Variants in LIFR observed in about 807,000 individuals in gnomAD.
LIFR encodes the protein leukemia inhibitory factor receptor.
A neutral mutation model predicts 122.2 loss-of-function variants in LIFR; 84 were observed. That is an observed-to-expected ratio of 0.69 (90% CI 0.58 to 0.82). The LOEUF is 0.82. Ranked by LOEUF, LIFR falls within the 40% of genes least tolerant of loss-of-function variation. The pLI is 0.00. For synonymous variants in LIFR, 422 were observed against 434.7 expected, an observed-to-expected ratio of 0.97 and a Z score of 0.36; for missense variants, 1,294 against 1,311.6, an observed-to-expected ratio of 0.99 and a Z score of 0.21.
rs1396819708 is a variant in LIFR, at chr5:38,482,641, A to C, written c.2618T>G (p.Ile873Ser). The change falls in exon 19 of 20, where the codon ATT becomes AGT. Residue 873 changes from isoleucine to serine, a missense_variant. Ile to Ser is a moderately radical substitution (Grantham distance 142, BLOSUM62 -2). Coordinates refer to ENST00000453190, the MANE Select transcript of LIFR (RefSeq NM_001127671.2). ...EWIKETFYPD[I>S]PNPENCKALQ... ...TGCTTTACAGTTTTCTGGATTTGGAATATCAGGGTAGAAGGTTTCTTTAAT... is the reference window on the plus strand; with the variant it reads ...TGCTTTACAGTTTTCTGGATTTGGACTATCAGGGTAGAAGGTTTCTTTAAT... 1 of 1,483,366 alleles carries C rather than the reference A, an allele frequency of 6.7e-7. No homozygotes were observed. Among genetic ancestry groups the C allele is most frequent in the Non-Finnish European group, 9.2e-7 (1 of 1,088,430 alleles). The allele number at this position is 1,483,366 out of a possible 1,614,324, so 91.9% of individuals were successfully genotyped here. A position where few individuals can be genotyped will look rare whatever the true frequency, so the allele number is the denominator to read the frequency against.
At chr5:38,517,334 C>T (rs1746136939) in intron 5 of LIFR, among the ~76,000 whole-genome samples, 1 of 152,078 alleles carries the variant, frequency 6.6e-6, no homozygotes, top group Non-Finnish European at 1.5e-5. Flanking sequence ...GCAAATATTG[C>T]CACTTTACAA....
intron 1 of LIFR, among the ~76,000 whole-genome samples, chr5:38,544,883 G>A (rs1413664349): frequency 1.3e-5 from 2 of 152,178 alleles, no homozygotes; most frequent in Non-Finnish European, 2.9e-5. Flanking sequence ...AAAGTGTGCA[G>A]TAAATATTTG....
At chr5:38,494,408 C>T (rs916703571) in intron 13 of LIFR, among the ~76,000 whole-genome samples, 8 of 151,888 alleles carry the variant, frequency 5.3e-5, no homozygotes, top group Admixed American at 1.3e-4. Context: ...AGTGTGGACA[C>T]TGAGAAGGAG....
chr5:38,560,984 A>G (rs774867295), upstream of LIFR, among the ~76,000 whole-genome samples: 1 of 152,212 alleles, frequency 6.6e-6, no homozygotes, highest in Non-Finnish European at 1.5e-5. Flanking sequence ...TTTAAAAAAG[A>G]AAAGTTGAAA....
At chr5:38,542,853 C>G (rs1561193405) in intron 1 of LIFR, among the ~76,000 whole-genome samples, 1 of 152,150 alleles carries the variant, frequency 6.6e-6, no homozygotes, top group Non-Finnish European at 1.5e-5. Flanking sequence ...TGTTCCAAAT[C>G]CAACCTTCCC....
chr5:38,588,114 A>T (rs904036875), intron 1 of LIFR, among the ~76,000 whole-genome samples: 2 of 152,260 alleles, frequency 1.3e-5, no homozygotes, highest in Admixed American at 6.5e-5. Flanking sequence ...CCATTCTCTC[A>T]TTAGCAAAAT....
chr5:38,550,564 A>T (rs1195640277), intron 1 of LIFR, among the ~76,000 whole-genome samples: 1 of 152,238 alleles, frequency 6.6e-6, no homozygotes, highest in Non-Finnish European at 1.5e-5. Context: ...AAAACTGTAT[A>T]TTCTTTCAGA....
At chr5:38,547,177 A>G (rs1561197410) in intron 1 of LIFR, among the ~76,000 whole-genome samples, 1 of 152,204 alleles carries the variant, frequency 6.6e-6, no homozygotes, top group Non-Finnish European at 1.5e-5. Context: ...ATCTATATGT[A>G]CAATTTGTCA....
chr5:38,605,081 A>G (rs1214976976), intron 2 of LIFR, among the ~76,000 whole-genome samples: 1 of 152,066 alleles, frequency 6.6e-6, no homozygotes, highest in East Asian at 1.9e-4. Context: ...GGCCTCCGAG[A>G]GAATAGACTA....
chr5:38,497,102 C>T lies in LIFR; in HGVS notation c.1672-507G>A, dbSNP rs112913044. 2.0e-3 allele frequency among the ~76,000 whole-genome samples: 307 copies of T among 152,298 alleles called. 1 individual carries two copies. Among genetic ancestry groups the T allele is most frequent in the African/African-American group, 7.0e-3 (289 of 41,566 alleles). On this transcript the variant is annotated intron_variant, in intron 12 of 19. Transcript: ENST00000453190. The stretch of plus-strand genomic sequence containing the variant: ...CATGAGGTCAGCAGTTCGAGACCAG[C>T]CTGCCAAACATGACAAACATGAAAC...
chr5:38,497,500 C>A (rs1353022731), intron 12 of LIFR, among the ~76,000 whole-genome samples: 2 of 152,224 alleles, frequency 1.3e-5, no homozygotes, highest in Admixed American at 1.3e-4. Flanking sequence ...AGAAGCACTG[C>A]TCTACTTAGC....
upstream of LIFR, chr5:38,558,340 AC>A (rs1422795590): frequency 6.6e-6 from 1 of 152,180 alleles, no homozygotes; most frequent in Non-Finnish European, 1.5e-5. Flanking sequence ...TAAGAATATT[AC>A]ATAAAATGCT....
chr5:38,580,925 T>C (rs1468086750), intron 1 of LIFR, among the ~76,000 whole-genome samples: 1 of 151,970 alleles, frequency 6.6e-6, no homozygotes, highest in East Asian at 1.9e-4. Flanking sequence ...CTTCTGAGAG[T>C]GGGATATGGA....
chr5:38,542,136 T>C (rs1473896043), intron 1 of LIFR, among the ~76,000 whole-genome samples: 1 of 152,176 alleles, frequency 6.6e-6, no homozygotes, highest in Non-Finnish European at 1.5e-5. Flanking sequence ...GCCCAAGTCA[T>C]CATAAATTCT....
chr5:38,487,344 G>C (rs1439760027), intron 16 of LIFR, among the ~76,000 whole-genome samples: 1 of 152,194 alleles, frequency 6.6e-6, no homozygotes, highest in Non-Finnish European at 1.5e-5. Context: ...TCGAATTTTA[G>C]GTTGAAAATA....
At chr5:38,504,282 T>A (rs894202506) in intron 9 of LIFR, among the ~76,000 whole-genome samples, 161 bp from the exon 10 acceptor site, 1 of 152,102 alleles carries the variant, frequency 6.6e-6, no homozygotes, top group African/African-American at 2.4e-5. Flanking sequence ...TAATTTCTAC[T>A]ACTGACATCT....
chr5:38,537,209 T>G (rs529046322), intron 1 of LIFR, among the ~76,000 whole-genome samples: 79 of 152,194 alleles, frequency 5.2e-4, no homozygotes, highest in Non-Finnish European at 9.7e-4. Flanking sequence ...AGTTCCATAC[T>G]GTGGGCACAG....
chr5:38,512,720 T>C (rs980190866), intron 5 of LIFR, among the ~76,000 whole-genome samples: 4 of 152,022 alleles, frequency 2.6e-5, no homozygotes, highest in Non-Finnish European at 4.4e-5. Flanking sequence ...TTGAGCATCA[T>C]GGTGGTGCTC....
chr5:38,592,593 A>G (rs1296645793), intron 1 of LIFR, among the ~76,000 whole-genome samples: 1 of 149,520 alleles, frequency 6.7e-6, no homozygotes, highest in Non-Finnish European at 1.5e-5. Context: ...GGAGGTGGAG[A>G]TTGCAGCGAG....
Sources: gnomAD v4.1 joint callset for allele counts (sites outside exome capture counted in the v4.1 genomes callset) on GRCh38, gnomAD v4.1.1 for gene constraint, MANE v1.5 for transcripts, NCBI Gene and HGNC (gene_info 2026-07-23, HGNC 2026-07-21) for gene names.